The following NME8 variants were observed in gnomAD, a reference collection of about 807,000 sequenced individuals.
The protein encoded by NME8 is NME/NM23 family member 8.
Under a neutral mutation model 82.3 loss-of-function variants are expected in NME8, and 72 were observed. The ratio of observed to expected loss-of-function variants is 0.87; its 90% confidence interval spans 0.72 to 1.06. The LOEUF is 1.06. Ranked by LOEUF, NME8 falls within the 50% of genes least tolerant of loss-of-function variation. The pLI is 0.00. For missense variants in NME8, 712 were observed against 685.4 expected (o/e 1.04, Z -0.43); for synonymous variants, 267 against 228.5 (o/e 1.17, Z -1.52).
chr7:37,856,000 A>G (rs1299654971), intron 5 of NME8, among the ~76,000 whole-genome samples: 1 of 151,800 alleles, frequency 6.6e-6, no homozygotes, highest in Non-Finnish European at 1.5e-5. Context: ...GGGCAACTTC[A>G]GCTGCAGACC....
chr7:37,871,363 A>G (rs1408135542), intron 11 of NME8, among the ~76,000 whole-genome samples: 2 of 152,164 alleles, frequency 1.3e-5, no homozygotes, highest in African/African-American at 4.8e-5. Context: ...TTCTTTCATG[A>G]TGGCTTTTTA....
intron 2 of NME8, among the ~76,000 whole-genome samples, chr7:37,849,611 C>G (rs1423112911): frequency 6.6e-6 from 1 of 152,166 alleles, no homozygotes; most frequent in Non-Finnish European, 1.5e-5. Context: ...AGAATGAATA[C>G]TGTAATCCCA....
chr7:37,867,907 C>A lies in NME8; in HGVS notation c.818+9C>A. The A allele has an allele frequency of 1.9e-6, 3 of 1,611,766 alleles. No homozygotes were observed. The highest frequency in any genetic ancestry group is 2.2e-5 in the South Asian group (2 of 90,922). On this transcript the variant is annotated intron_variant, in intron 11 of 17. Transcript: ENST00000199447. Reference sequence around the variant, plus strand: ...AAGAACAAACAAGACAGGTATAGCTCAAGACCAGGAATTGTGTTACTTGCA... The same window carrying A: ...AAGAACAAACAAGACAGGTATAGCTAAAGACCAGGAATTGTGTTACTTGCA...
chr7:37,895,091 A>G (rs759016491), intron 16 of NME8, among the ~76,000 whole-genome samples: 10 of 152,210 alleles, frequency 6.6e-5, no homozygotes, highest in Non-Finnish European at 1.3e-4. Flanking sequence ...TGTTGAAAGT[A>G]CCTAGAACAG....
At chr7:37,880,618 A>T (rs899888563) in intron 12 of NME8, among the ~76,000 whole-genome samples, 3 of 152,130 alleles carry the variant, frequency 2.0e-5, no homozygotes, top group African/African-American at 7.2e-5. Context: ...ACTGTGTTAC[A>T]TCTTTGGCCT....
Position 37,894,322 on chromosome 7 carries a change from T to C in NME8, c.1400-144T>C, listed in dbSNP as rs923683175. ...TGAATGTCAATTTGGTGCTTTGGAA[T>C]TTTAATTTCGTTTGGCAGAGTTTTG... On this transcript the variant is annotated intron_variant, in intron 15 of 17. Transcript: ENST00000199447. 18 of 827,318 alleles carry C rather than the reference T, an allele frequency of 2.2e-5. No homozygotes were observed. The Admixed American group carries it at 3.7e-4, about 17-fold the overall frequency. The allele number at this position is 827,318 out of a possible 1,614,324, so 51.2% of individuals were successfully genotyped here.
At chr7:37,861,704 G>A (rs982757982) in intron 6 of NME8, among the ~76,000 whole-genome samples, 61 of 152,242 alleles carry the variant, frequency 4.0e-4, no homozygotes, top group Non-Finnish European at 2.5e-4. Context: ...GTCATTGGGA[G>A]GCCTATCCAG....
intron 15 of NME8, 82 bp downstream of exon 15, chr7:37,888,510 A>G: frequency 7.3e-7 from 1 of 1,361,308 alleles, no homozygotes. Context: ...TCAGAAAAGC[A>G]AAACAGGAAA....
chr7:37,889,129 A>G (rs974417029), intron 15 of NME8, among the ~76,000 whole-genome samples: 9 of 151,968 alleles, frequency 5.9e-5, no homozygotes, highest in Admixed American at 2.0e-4. Flanking sequence ...AAATTGCTCT[A>G]TTAAAGTTTT....
At chr7:37,899,369 G>A (rs376938386) in intron 17 of NME8, among the ~76,000 whole-genome samples, 82 of 152,250 alleles carry the variant, frequency 5.4e-4, no homozygotes, top group African/African-American at 1.5e-3. Context: ...GAATGAGATC[G>A]TGTCCTTTGC....
At chr7:37,882,597 AAGAGAG>A (rs772102601) in intron 12 of NME8, among the ~76,000 whole-genome samples, 3 of 82,992 alleles carry the variant, frequency 3.6e-5, no homozygotes, top group African/African-American at 1.4e-4. Flanking sequence ...GAAAGAAAGA[AAGAGAG>A]AGAGAGAGAG....
chr7:37,857,921 G>A (rs1784536759), intron 6 of NME8, among the ~76,000 whole-genome samples: 1 of 152,150 alleles, frequency 6.6e-6, no homozygotes, highest in African/African-American at 2.4e-5. Context: ...CAGAGGCCAG[G>A]CATAGTGGCT....
At position 37,876,964 on chromosome 7, in the gene NME8, G is replaced by C. The variant is rs1784863110; in HGVS notation, c.951G>C (p.Lys317Asn). The C allele has an allele frequency of 6.2e-7, 1 of 1,613,118 alleles. No individual in the cohort carries two copies. Among genetic ancestry groups the C allele is most frequent in the African/African-American group, 1.3e-5 (1 of 74,876 alleles). Reference sequence around the variant, plus strand: ...AAATGAAAAGCATGAAATTAGAAAAGACATTGGCATTACTTCGACCAAATC... The same window carrying C: ...AAATGAAAAGCATGAAATTAGAAAACACATTGGCATTACTTCGACCAAATC... Reference protein sequence around the residue: ...FKKMKSMKLEKTLALLRPNLF... With the variant: ...FKKMKSMKLENTLALLRPNLF... The change falls in exon 12 of 18, where the codon AAG becomes AAC. Residue 317 changes from lysine (K) to asparagine (N), a missense_variant. Transcript: ENST00000199447.
chr7:37,888,270 T>C lies in NME8; in HGVS notation c.1248-7T>C. ...AATAGCTTTTAAACCTGACTTCTTTTTCAAAGTTTATGTGCACAGTTTGCG... is the reference window on the plus strand; with the variant it reads ...AATAGCTTTTAAACCTGACTTCTTTCTCAAAGTTTATGTGCACAGTTTGCG... On this transcript the variant is annotated splice_region_variant and splice_polypyrimidine_tract_variant and intron_variant, in intron 14 of 17. Transcript: ENST00000199447. The C allele has an allele frequency of 6.2e-7, 1 of 1,613,404 alleles. No individual in the cohort carries two copies. The highest frequency in any genetic ancestry group is 2.2e-5 in the East Asian group (1 of 44,870).
At position 37,876,942 on chromosome 7, in the gene NME8, T is replaced by A. The variant is rs776637215; in HGVS notation, c.929T>A (p.Met310Lys). The change falls in exon 12 of 18, where the codon ATG (methionine) becomes AAG (lysine). Residue 310 changes from methionine to lysine, a missense_variant. Met to Lys is a moderately conservative substitution (Grantham distance 95). Coordinates refer to ENST00000199447, the MANE Select transcript of NME8 (RefSeq NM_016616.5). ...MDAFFPDFKK[M>K]KSMKLEKTLA... ...GCTTTCTTCCCCGATTTTAAAAAAA[T>A]GAAAAGCATGAAATTAGAAAAGACA... is the stretch of plus-strand genomic sequence containing the variant. The A allele has an allele frequency of 6.2e-7, 1 of 1,613,024 alleles. No homozygotes were observed. Among genetic ancestry groups the A allele is most frequent in the African/African-American group, 1.3e-5 (1 of 74,986 alleles).
chr7:37,887,368 G>A (rs1785058728), intron 14 of NME8, among the ~76,000 whole-genome samples: 1 of 152,008 alleles, frequency 6.6e-6, no homozygotes, highest in Admixed American at 6.5e-5. Context: ...TATATCTTTG[G>A]TCTAGAGTCA....
intron 17 of NME8, among the ~76,000 whole-genome samples, chr7:37,898,828 G>A (rs545286900): frequency 2.9e-4 from 44 of 152,234 alleles, no homozygotes; most frequent in African/African-American, 9.6e-4. Context: ...TAATAACATT[G>A]ATTTGTATAC....
intron 5 of NME8, among the ~76,000 whole-genome samples, chr7:37,854,787 A>G (rs978195092): frequency 1.6e-5 from 2 of 128,596 alleles, no homozygotes; most frequent in South Asian, 2.8e-4. Context: ...TCCAACATCC[A>G]TATCTTGAAA....
intron 14 of NME8, among the ~76,000 whole-genome samples, chr7:37,886,451 GC>G (rs1785041583): frequency 6.6e-6 from 1 of 151,968 alleles, no homozygotes; most frequent in Non-Finnish European, 1.5e-5. Context: ...ACTTTCCTTG[GC>G]TCCACCCACC....
Sources: allele counts gnomAD v4.1 joint callset (sites outside exome capture counted in the v4.1 genomes callset), GRCh38; gene constraint gnomAD v4.1.1; transcripts MANE v1.5; gene names NCBI Gene and HGNC (gene_info 2026-07-23, HGNC 2026-07-21).